Variants in DLC1 observed in about 807,000 individuals in gnomAD.
The protein encoded by DLC1 is rho GTPase-activating protein 7.
DLC1 carries 54 observed loss-of-function variants against 140.3 expected under a neutral mutation model. The observed-to-expected ratio is 0.38, with a 90% CI of 0.31 to 0.48. The LOEUF is 0.48. Among genes scored for constraint, DLC1 ranks in the 20% least tolerant of loss-of-function variants. DLC1 has a pLI of 0.96. For synonymous variants in DLC1, 986 were observed against 728.1 expected, an observed-to-expected ratio of 1.35 and a Z score of -5.70; for missense variants, 2,536 against 1,907.0, an observed-to-expected ratio of 1.33 and a Z score of -6.14.
At chr8:13,415,021 T>C (rs1837985395) in intron 2 of DLC1, among the ~76,000 whole-genome samples, 1 of 151,832 alleles carries the variant, frequency 6.6e-6, no homozygotes, top group Admixed American at 6.6e-5. Context: ...ACCATGTTGG[T>C]CAGGCTGGTC....
intron 5 of DLC1, among the ~76,000 whole-genome samples, chr8:13,226,526 C>T (rs992325499): frequency 6.6e-6 from 1 of 152,138 alleles, no homozygotes; most frequent in African/African-American, 2.4e-5. Context: ...GGGACAGGCT[C>T]AAAACTTAAA....
chr8:13,396,914 T>C (rs1758173268), intron 3 of DLC1, among the ~76,000 whole-genome samples: 1 of 152,144 alleles, frequency 6.6e-6, no homozygotes, highest in Non-Finnish European at 1.5e-5. Context: ...TCATTACAAC[T>C]GCCACTCATA....
At chr8:13,337,349 A>G (rs1308507323) in intron 4 of DLC1, among the ~76,000 whole-genome samples, 1 of 152,210 alleles carries the variant, frequency 6.6e-6, no homozygotes, top group Non-Finnish European at 1.5e-5. Flanking sequence ...ATTTCAGAAT[A>G]ATGGATTACC....
chr8:13,483,634 G>T (rs1193441770), intron 2 of DLC1, among the ~76,000 whole-genome samples: 3 of 152,130 alleles, frequency 2.0e-5, no homozygotes, highest in Non-Finnish European at 4.4e-5. Flanking sequence ...ACTGGAAAAA[G>T]TTTAAGTTTG....
At chr8:13,247,691 A>T (rs751932191) in intron 5 of DLC1, among the ~76,000 whole-genome samples, 3 of 152,248 alleles carry the variant, frequency 2.0e-5, no homozygotes, top group Non-Finnish European at 2.9e-5. Flanking sequence ...CTGCCCTAAC[A>T]CCATGCAAAT....
chr8:13,423,895 G>GT (rs1228254598), intron 2 of DLC1, among the ~76,000 whole-genome samples: 1 of 152,030 alleles, frequency 6.6e-6, no homozygotes, highest in African/African-American at 2.4e-5. Context: ...ATCCATTACA[G>GT]ACTCAGAAGG....
intron 4 of DLC1, among the ~76,000 whole-genome samples, chr8:13,378,936 G>A (rs1836123867): frequency 6.6e-6 from 1 of 152,024 alleles, no homozygotes; most frequent in Non-Finnish European, 1.5e-5. Context: ...TAGGAATCAG[G>A]ATAAATAATA....
At chr8:13,429,196 A>G (rs747758206) in intron 2 of DLC1, among the ~76,000 whole-genome samples, 4 of 152,192 alleles carry the variant, frequency 2.6e-5, no homozygotes, top group East Asian at 1.9e-4. Context: ...AGCAATACAG[A>G]TCATAGGTCT....
intron 4 of DLC1, among the ~76,000 whole-genome samples, chr8:13,349,465 C>T (rs1372991236): frequency 6.6e-6 from 1 of 152,126 alleles, no homozygotes; most frequent in African/African-American, 2.4e-5. Context: ...ACAGAAGTAA[C>T]ACAAACCTTT....
intron 4 of DLC1, among the ~76,000 whole-genome samples, chr8:13,314,230 CATATATTTATA>C (rs778784417): frequency 1.1e-4 from 14 of 121,972 alleles, no homozygotes; most frequent in Non-Finnish European, 2.0e-4. Flanking sequence ...ATATATTACA[CATATATTTATA>C]ATATACATGT....
At chr8:13,383,229 G>C (rs1230796089) in intron 4 of DLC1, among the ~76,000 whole-genome samples, 1 of 152,184 alleles carries the variant, frequency 6.6e-6, no homozygotes, top group Non-Finnish European at 1.5e-5. Flanking sequence ...CTTCAAATAT[G>C]TGCCCTGTTG....
intron 5 of DLC1, among the ~76,000 whole-genome samples, chr8:13,171,857 G>A (rs528772240): frequency 1.9e-4 from 29 of 152,230 alleles, no homozygotes; most frequent in African/African-American, 7.0e-4. Context: ...CCCAGGTGAG[G>A]GTCAATTGGA....
At chr8:13,099,003 C>T (rs1818746184) in intron 9 of DLC1, among the ~76,000 whole-genome samples, 1 of 144,810 alleles carries the variant, frequency 6.9e-6, no homozygotes, top group African/African-American at 2.4e-5. Context: ...TGATTTCTAT[C>T]CCATGCTTTA....
chr8:13,175,303 CTTT>C (rs34107011), intron 5 of DLC1, among the ~76,000 whole-genome samples: 14 of 131,696 alleles, frequency 1.1e-4, no homozygotes, highest in East Asian at 2.3e-4. Context: ...ATGCCTCCAG[CTTT>C]TTTTTTTTTT....
chr8:13,567,590 C>T (rs1427290831), intron 1 of DLC1: 3 of 1,551,570 alleles, frequency 1.9e-6, no homozygotes, highest in Admixed American at 2.0e-5. Context: ...TATCAGTGTC[C>T]CTATTGTAAC....
intron 4 of DLC1, among the ~76,000 whole-genome samples, chr8:13,379,700 A>G (rs1184415974): frequency 6.6e-6 from 1 of 152,124 alleles, no homozygotes; most frequent in Non-Finnish European, 1.5e-5. Flanking sequence ...GGTTTGTTAC[A>G]TAGGTATAAA....
At chr8:13,397,573 C>A (rs13252723) in intron 3 of DLC1, among the ~76,000 whole-genome samples, 55,561 of 151,722 alleles carry the variant, frequency 0.37, 11,513 homozygotes, top group Non-Finnish European at 0.47. Flanking sequence ...TCATGCCTGT[C>A]ATCTCAATAC....
chr8:13,303,945 C>T (rs1832312627), intron 5 of DLC1, among the ~76,000 whole-genome samples: 1 of 152,234 alleles, frequency 6.6e-6, no homozygotes, highest in Non-Finnish European at 1.5e-5. Flanking sequence ...CCAGCCATGG[C>T]ATTTCCATTC....
intron 2 of DLC1, among the ~76,000 whole-genome samples, chr8:13,455,465 C>A (rs1799339772): frequency 6.6e-6 from 1 of 152,122 alleles, no homozygotes; most frequent in Admixed American, 6.5e-5. Context: ...TCATCTACCT[C>A]CCTCTGCTCC....
Sources: allele counts gnomAD v4.1 joint callset (sites outside exome capture counted in the v4.1 genomes callset), GRCh38; gene constraint gnomAD v4.1.1; transcripts MANE v1.5; gene names NCBI Gene and HGNC (gene_info 2026-07-23, HGNC 2026-07-21).